The following GPCPD1 variants were observed in gnomAD, a reference collection of about 807,000 sequenced individuals.
The protein encoded by GPCPD1 is glycerophosphocholine phosphodiesterase 1.
A neutral mutation model predicts 89.2 loss-of-function variants in GPCPD1; 29 were observed. That is an observed-to-expected ratio of 0.33 (90% CI 0.24 to 0.44). The LOEUF (loss-of-function observed/expected upper bound fraction) is 0.44. Among genes scored for constraint, GPCPD1 ranks in the 20% least tolerant of loss-of-function variants. GPCPD1 has a pLI of 1.00. For synonymous variants in GPCPD1, 258 were observed against 266.3 expected (o/e 0.97, Z 0.30); for missense variants, 594 against 808.9 (o/e 0.73, Z 3.22).
At chr20:5,592,837 T>G (rs1979426035) in intron 4 of GPCPD1, among the ~76,000 whole-genome samples, 2 of 152,196 alleles carry the variant, frequency 1.3e-5, no homozygotes, top group Admixed American at 1.3e-4. Context: ...GATAGGGGTC[T>G]TATCAATAAC....
At position 5,599,884 on chromosome 20, in the gene GPCPD1, A is replaced by G. The variant is rs566718683; in HGVS notation, c.50-1063T>C. Among the ~76,000 whole-genome samples the G allele has an allele frequency of 2.0e-5, 3 of 152,304 alleles. No individual in the cohort carries two copies. In the East Asian group the frequency reaches 5.8e-4, roughly 29 times the overall value. ...TAGTACTTCTTAACTAAGGTAATGT[A>G]TCATTTCTTTTGAACACTTATCAAT... is the stretch of plus-strand genomic sequence containing the variant. On this transcript the variant is annotated intron_variant, in intron 2 of 19. Transcript: ENST00000379019.
chr20:5,555,947 G>A (rs1286495546), intron 19 of GPCPD1, among the ~76,000 whole-genome samples: 2 of 152,108 alleles, frequency 1.3e-5, no homozygotes, highest in African/African-American at 4.8e-5. Context: ...TGTGTAAAAG[G>A]AAGAGTCCAC....
In GPCPD1 at chr20:5,584,545, T is replaced by C. The variant is rs567127312; in HGVS notation, c.308-223A>G. 1.4e-5 allele frequency: 4 copies of C among 292,158 alleles called. No individual in the cohort carries two copies. In the South Asian group the frequency reaches 2.6e-4, roughly 19 times the overall value. The allele number at this position is 292,158 out of a possible 1,614,324, so 18.1% of individuals were successfully genotyped here. A position where few individuals can be genotyped will look rare whatever the true frequency, so the allele number is the denominator to read the frequency against. On this transcript the variant is annotated intron_variant, in intron 5 of 19. Transcript: ENST00000379019. Reference sequence around the variant, plus strand: ...CTTACATACTTCGTTGATTGTCCATTATGTTAAAAAGAAGAAAAAGAAAAC... The same window carrying C: ...CTTACATACTTCGTTGATTGTCCATCATGTTAAAAAGAAGAAAAAGAAAAC...
At chr20:5,579,217 A>G (rs1433172602) in intron 7 of GPCPD1, among the ~76,000 whole-genome samples, 1 of 152,132 alleles carries the variant, frequency 6.6e-6, no homozygotes, top group African/African-American at 2.4e-5. Context: ...TTAAACACAT[A>G]TAATATTCAA....
In GPCPD1 at chr20:5,565,016, C is replaced by A; in HGVS notation, c.1329+1G>T. On this transcript the variant is annotated splice_donor_variant, in intron 15 of 19. Transcript: ENST00000379019. LOFTEE classifies it high-confidence loss of function. ...TGCCTTGGTTTTCCTCAATAACTTA[C>A]CATCTTAAGAGAAGGAAATGGCTGA... The A allele has an allele frequency of 7.1e-7, 1 of 1,412,980 alleles. No individual in the cohort carries two copies. Among genetic ancestry groups the A allele is most frequent in the Non-Finnish European group, 1.0e-6 (1 of 997,964 alleles). The allele number at this position is 1,412,980 out of a possible 1,614,324, so 87.5% of individuals were successfully genotyped here. A position where few individuals can be genotyped will look rare whatever the true frequency, so the allele number is the denominator to read the frequency against.
intron 10 of GPCPD1, 107 bp from the exon 11 acceptor site, chr20:5,574,076 T>A (rs1978284890): frequency 1.1e-5 from 8 of 719,962 alleles, no homozygotes; most frequent in Non-Finnish European, 1.9e-5. Flanking sequence ...ACTTATTCTG[T>A]ATTCTGAGGC....
At chr20:5,582,141 G>A (rs1266438626) in intron 6 of GPCPD1, among the ~76,000 whole-genome samples, 29 of 120,502 alleles carry the variant, frequency 2.4e-4, no homozygotes, top group Admixed American at 2.3e-3. Flanking sequence ...AGCCGAGATC[G>A]CGCCACTGCA....
rs569097159 is a variant in GPCPD1, at chr20:5,550,314, GA to G, written c.1830-2465del. 4.3e-3 allele frequency among the ~76,000 whole-genome samples: 591 copies of G among 138,758 alleles called. 6 individuals carry two copies. Among genetic ancestry groups the G allele is most frequent in the African/African-American group, 0.015 (552 of 37,942 alleles). 91.0% of individuals were successfully genotyped at this position (138,758 alleles called of 152,430 possible). Reference sequence around the variant, plus strand: ...AAAAAAAAAAAAGACAAAATAGGAGGAAAAAAAAATCAAAAATCTGGTCCAA... The same window carrying G: ...AAAAAAAAAAAAGACAAAATAGGAGGAAAAAAAATCAAAAATCTGGTCCAA... On this transcript the variant is annotated intron_variant, in intron 19 of 19. Coordinates refer to ENST00000379019, the MANE Select transcript of GPCPD1 (RefSeq NM_019593.5).
At chr20:5,553,057 C>A (rs1164069304) in intron 19 of GPCPD1, among the ~76,000 whole-genome samples, 2 of 152,104 alleles carry the variant, frequency 1.3e-5, no homozygotes, top group African/African-American at 4.8e-5. Flanking sequence ...GCATGAACCA[C>A]CATGCCCCAC....
intron 2 of GPCPD1, among the ~76,000 whole-genome samples, chr20:5,602,715 T>C (rs1452208997): frequency 6.6e-6 from 1 of 152,042 alleles, no homozygotes; most frequent in East Asian, 1.9e-4. Flanking sequence ...CGGTCTGTAA[T>C]CTCACACCTG....
intron 6 of GPCPD1, among the ~76,000 whole-genome samples, chr20:5,583,348 A>C (rs1978690455): frequency 6.6e-6 from 1 of 151,952 alleles, no homozygotes; most frequent in African/African-American, 2.4e-5. Context: ...GTTTGACACC[A>C]GTCTGGCCAA....
chr20:5,607,970 G>A (rs530030159), intron 1 of GPCPD1, among the ~76,000 whole-genome samples: 14 of 152,150 alleles, frequency 9.2e-5, no homozygotes, highest in African/African-American at 2.9e-4. Context: ...TTACTGCTGC[G>A]GTTCTCAACT....
At chr20:5,574,709 G>A (rs2122654586) in intron 10 of GPCPD1, among the ~76,000 whole-genome samples, 1 of 152,304 alleles carries the variant, frequency 6.6e-6, no homozygotes, top group South Asian at 2.1e-4. Context: ...CTGCACTCCA[G>A]CCTGAACGAC....
intron 19 of GPCPD1, among the ~76,000 whole-genome samples, chr20:5,552,118 T>G (rs1315785582): frequency 6.6e-6 from 1 of 152,160 alleles, no homozygotes; most frequent in Non-Finnish European, 1.5e-5. Context: ...TTATAAGACT[T>G]ATCAAACTAT....
chr20:5,568,230 G>GTATATATATATATATATATACTTAGTA (rs3057280), intron 12 of GPCPD1, among the ~76,000 whole-genome samples: 1 of 145,536 alleles, frequency 6.9e-6, no homozygotes, highest in East Asian at 2.0e-4. Flanking sequence ...AATATACTTA[G>GTATATATATATATATATATACTTAGTA]TATATATATA....
chr20:5,606,200 C>T (rs773397858), intron 1 of GPCPD1, among the ~76,000 whole-genome samples: 8 of 152,048 alleles, frequency 5.3e-5, no homozygotes, highest in South Asian at 2.1e-4. Context: ...TAATATACTT[C>T]GAGATACTTA....
chr20:5,553,792 A>C (rs1441851089), intron 19 of GPCPD1, among the ~76,000 whole-genome samples: 1 of 152,230 alleles, frequency 6.6e-6, no homozygotes, highest in Admixed American at 6.5e-5. Context: ...AAGAAGCTGC[A>C]GAAGAAAAGT....
At chr20:5,552,345 T>C (rs916659755) in intron 19 of GPCPD1, among the ~76,000 whole-genome samples, 2 of 151,990 alleles carry the variant, frequency 1.3e-5, no homozygotes, top group African/African-American at 4.8e-5. Flanking sequence ...ACATAACCAC[T>C]CCCCAAATTC....
At chr20:5,591,161 C>T (rs948645133) in intron 4 of GPCPD1, among the ~76,000 whole-genome samples, 1 of 152,150 alleles carries the variant, frequency 6.6e-6, no homozygotes, top group African/African-American at 2.4e-5. Flanking sequence ...AAATAAGATA[C>T]TATTTTGTTT....
Sources: allele counts gnomAD v4.1 joint callset (sites outside exome capture counted in the v4.1 genomes callset), GRCh38; gene constraint gnomAD v4.1.1; transcripts MANE v1.5; gene names NCBI Gene and HGNC (gene_info 2026-07-23, HGNC 2026-07-21).